PDLIM5: variants seen among roughly 807,000 people sequenced by gnomAD.
PDLIM5 encodes PDZ and LIM domain 5.
Under a neutral mutation model 64.2 loss-of-function variants are expected in PDLIM5, and 34 were observed. That is an observed-to-expected ratio of 0.53 (90% CI 0.40 to 0.71). The LOEUF is 0.71. Among genes scored for constraint, PDLIM5 ranks in the 30% least tolerant of loss-of-function variants. The pLI is 0.00. For missense variants in PDLIM5, 683 were observed against 733.6 expected, an observed-to-expected ratio of 0.93 and a Z score of 0.80; for synonymous variants, 253 against 269.1, an observed-to-expected ratio of 0.94 and a Z score of 0.59.
intron 7 of PDLIM5, among the ~76,000 whole-genome samples, chr4:94,612,609 G>A (rs534173463): frequency 6.6e-6 from 1 of 152,264 alleles, no homozygotes; most frequent in South Asian, 2.1e-4. Context: ...CCTCTAGAGC[G>A]AGTATTAGTA....
chr4:94,565,444 A>T (rs1314184265), intron 3 of PDLIM5, among the ~76,000 whole-genome samples: 1 of 152,218 alleles, frequency 6.6e-6, no homozygotes, highest in Non-Finnish European at 1.5e-5. Flanking sequence ...GGCACACATC[A>T]GTCCTGAAAT....
At chr4:94,635,247 G>A (rs937623511) in intron 8 of PDLIM5, among the ~76,000 whole-genome samples, 3 of 152,172 alleles carry the variant, frequency 2.0e-5, no homozygotes, top group African/African-American at 4.8e-5. Context: ...AGCTCCCAGG[G>A]AGTAGAGATT....
intron 5 of PDLIM5, among the ~76,000 whole-genome samples, chr4:94,579,037 G>T (rs1349848318): frequency 6.6e-6 from 1 of 151,982 alleles, no homozygotes; most frequent in Non-Finnish European, 1.5e-5. Flanking sequence ...TCATTACTAA[G>T]AAATAATTAG....
chr4:94,555,491 T>C lies in PDLIM5; in HGVS notation c.249-17860T>C, dbSNP rs1333309523. The stretch of plus-strand genomic sequence containing the variant: ...ATGTATGTAAATTTGTCAAATGTTA[T>C]TTCATTATAGATTTGTCATCTAGTA... On this transcript the variant is annotated intron_variant, in intron 3 of 12. Transcript: ENST00000317968. 2.6e-5 allele frequency among the ~76,000 whole-genome samples: 4 copies of C among 152,250 alleles called. No homozygotes were observed. The South Asian group carries it at 8.3e-4, about 31-fold the overall frequency.
At chr4:94,455,632 AG>A (rs1723270175) in intron 2 of PDLIM5, 2 of 685,322 alleles carry the variant, frequency 2.9e-6, no homozygotes, top group Non-Finnish European at 4.8e-6. Context: ...GCATTTAACT[AG>A]GAACAGACTG....
intron 2 of PDLIM5, among the ~76,000 whole-genome samples, chr4:94,471,795 C>G (rs1211578355): frequency 6.6e-6 from 1 of 152,018 alleles, no homozygotes. Context: ...TTTAGAAGTG[C>G]CTGGTACACA....
chr4:94,549,370 C>T (rs147447440), intron 3 of PDLIM5, among the ~76,000 whole-genome samples: 10 of 152,232 alleles, frequency 6.6e-5, no homozygotes, highest in Admixed American at 1.3e-4. Flanking sequence ...TTCGATAGGA[C>T]GTCTGTAGGG....
At chr4:94,597,064 A>T (rs994482365) in intron 7 of PDLIM5, among the ~76,000 whole-genome samples, 7 of 152,128 alleles carry the variant, frequency 4.6e-5, no homozygotes, top group African/African-American at 1.2e-4. Context: ...AACTAAGGTG[A>T]CACCTGTTGC....
At chr4:94,456,811 C>A (rs1404465222) in intron 2 of PDLIM5, 2 of 1,152,930 alleles carry the variant, frequency 1.7e-6, no homozygotes, top group Non-Finnish European at 2.1e-6. Flanking sequence ...CCAGTCTTAC[C>A]AACAAACTTG....
chr4:94,661,166 A>G (rs891899828), intron 11 of PDLIM5, among the ~76,000 whole-genome samples: 18 of 152,282 alleles, frequency 1.2e-4, no homozygotes, highest in African/African-American at 3.4e-4. Flanking sequence ...AGGTGAGGCA[A>G]TCACTTGAGG....
intron 2 of PDLIM5, among the ~76,000 whole-genome samples, chr4:94,463,462 A>G (rs994273642): frequency 6.6e-6 from 1 of 152,256 alleles, no homozygotes; most frequent in Non-Finnish European, 1.5e-5. Flanking sequence ...AAAATAAGGA[A>G]GAGAAAATAT....
At chr4:94,551,713 A>G (rs1732823006) in intron 3 of PDLIM5, among the ~76,000 whole-genome samples, 1 of 152,154 alleles carries the variant, frequency 6.6e-6, no homozygotes, top group South Asian at 2.1e-4. Context: ...ATATGCATAC[A>G]CATGAGAAAT....
chr4:94,628,417 A>T (rs1033741370), intron 8 of PDLIM5, among the ~76,000 whole-genome samples: 10 of 152,228 alleles, frequency 6.6e-5, no homozygotes, highest in African/African-American at 2.4e-4. Context: ...AATTAGTGGT[A>T]GTAATAGAAA....
chr4:94,547,439 C>G (rs1424913124), intron 3 of PDLIM5, among the ~76,000 whole-genome samples: 1 of 152,154 alleles, frequency 6.6e-6, no homozygotes, highest in Non-Finnish European at 1.5e-5. Flanking sequence ...CTAACAGTGA[C>G]TCTTCTTTCT....
intron 7 of PDLIM5, among the ~76,000 whole-genome samples, chr4:94,593,725 C>A (rs544437661): frequency 1.3e-5 from 2 of 152,186 alleles, no homozygotes; most frequent in African/African-American, 4.8e-5. Context: ...GGATACAGTT[C>A]GGTCCATAAC....
At chr4:94,503,479 G>A (rs899743399) in intron 2 of PDLIM5, among the ~76,000 whole-genome samples, 10 of 152,174 alleles carry the variant, frequency 6.6e-5, no homozygotes, top group African/African-American at 2.4e-4. Context: ...TCATCGTGTA[G>A]TAGGAAGATG....
At chr4:94,487,462 G>A (rs1726453560) in intron 2 of PDLIM5, among the ~76,000 whole-genome samples, 1 of 152,198 alleles carries the variant, frequency 6.6e-6, no homozygotes, top group African/African-American at 2.4e-5. Flanking sequence ...CTGGCATCCA[G>A]ATATGTTCTT....
At position 94,632,732 on chromosome 4, in the gene PDLIM5, C is replaced by T. The variant is rs538970254; in HGVS notation, c.1109-7544C>T. On this transcript the variant is annotated intron_variant, in intron 8 of 12. Coordinates refer to ENST00000317968, the MANE Select transcript of PDLIM5 (RefSeq NM_006457.5). ...ACAAGGGTCTTCAAAAGTGGAAGAG[C>T]AGGGAGGCGGAAGAGAGGATCAGAG... Among the ~76,000 whole-genome samples, 24 of 152,234 alleles carry T rather than the reference C, an allele frequency of 1.6e-4. No individual in the cohort carries two copies. In the South Asian group the frequency reaches 4.2e-3, roughly 26 times the overall value.
chr4:94,637,293 GCTGATGC>G (rs1740649159), intron 8 of PDLIM5, among the ~76,000 whole-genome samples: 1 of 152,180 alleles, frequency 6.6e-6, no homozygotes, highest in Non-Finnish European at 1.5e-5. Flanking sequence ...AGGCGTGGTG[GCTGATGC>G]CTGTGGTCCC....
Sources: gnomAD v4.1 joint callset for allele counts (sites outside exome capture counted in the v4.1 genomes callset) on GRCh38, gnomAD v4.1.1 for gene constraint, MANE v1.5 for transcripts, NCBI Gene and HGNC (gene_info 2026-07-23, HGNC 2026-07-21) for gene names.